ERC2: variants seen among roughly 807,000 people sequenced by gnomAD.
ERC2 encodes the protein ERC protein 2.
A neutral mutation model predicts 114.8 loss-of-function variants in ERC2; 42 were observed. That is an observed-to-expected ratio of 0.37 (90% CI 0.29 to 0.47). ERC2 has a LOEUF of 0.47. ERC2 is among the 20% of genes least tolerant of loss of function. ERC2 has a pLI of 0.99. For synonymous variants in ERC2, 454 were observed against 425.5 expected (o/e 1.07, Z -0.82); for missense variants, 939 against 1,150.7 (o/e 0.82, Z 2.66).
At chr3:56,133,212 C>CA (rs1411121879) in intron 6 of ERC2, among the ~76,000 whole-genome samples, 6 of 152,118 alleles carry the variant, frequency 3.9e-5, no homozygotes, top group African/African-American at 1.4e-4. Flanking sequence ...CTGAGGCGGG[C>CA]AAATTGCTTC....
intron 16 of ERC2, among the ~76,000 whole-genome samples, chr3:55,698,836 C>T (rs1217766267): frequency 1.3e-5 from 2 of 152,090 alleles, no homozygotes; most frequent in African/African-American, 2.4e-5. Flanking sequence ...TTTTGTCAAT[C>T]CATCTTTTCA....
intron 12 of ERC2, among the ~76,000 whole-genome samples, chr3:55,959,534 C>G (rs1576364023): frequency 6.6e-6 from 1 of 152,312 alleles, no homozygotes; most frequent in East Asian, 1.9e-4. Context: ...AGCCAGCTTT[C>G]TCATCCTCCT....
chr3:56,167,172 C>A (rs1407213044), intron 4 of ERC2, among the ~76,000 whole-genome samples: 1 of 152,108 alleles, frequency 6.6e-6, no homozygotes, highest in Non-Finnish European at 1.5e-5. Context: ...TATTTGATAT[C>A]CTTTGACTCC....
intron 1 of ERC2, among the ~76,000 whole-genome samples, chr3:56,454,684 T>A (rs371086887): frequency 1.1e-4 from 16 of 151,946 alleles, no homozygotes; most frequent in South Asian, 1.0e-3. Context: ...ACCCCATCTT[T>A]ACTAAAAAAT....
At chr3:56,312,827 A>G (rs2056657020) in intron 2 of ERC2, among the ~76,000 whole-genome samples, 1 of 151,040 alleles carries the variant, frequency 6.6e-6, no homozygotes, top group South Asian at 2.1e-4. Context: ...TGAATATGTG[A>G]ATATACTGGT....
At chr3:55,661,594 G>A (rs2148709893) in intron 17 of ERC2, among the ~76,000 whole-genome samples, 1 of 152,218 alleles carries the variant, frequency 6.6e-6, no homozygotes, top group East Asian at 1.9e-4. Context: ...CATAATCCAG[G>A]ATACTCTCTC....
intron 14 of ERC2, among the ~76,000 whole-genome samples, chr3:55,865,102 ACTG>A (rs200718140): frequency 7.9e-6 from 1 of 125,836 alleles, no homozygotes; most frequent in East Asian, 2.1e-4. Flanking sequence ...CTTGGGAACT[ACTG>A]AAAAAGCCCT....
intron 17 of ERC2, among the ~76,000 whole-genome samples, chr3:55,566,646 A>C (rs2056395014): frequency 6.6e-6 from 1 of 151,902 alleles, no homozygotes; most frequent in African/African-American, 2.4e-5. Context: ...GGCCAGGTTA[A>C]ATTCCTGACC....
intron 10 of ERC2, among the ~76,000 whole-genome samples, chr3:56,004,265 C>A: frequency 6.6e-6 from 1 of 152,012 alleles, no homozygotes; most frequent in East Asian, 1.9e-4. Flanking sequence ...AATTATCAGC[C>A]TCTTCTCAAC....
chr3:56,317,838 G>T (rs997485532), intron 2 of ERC2, among the ~76,000 whole-genome samples: 1 of 152,202 alleles, frequency 6.6e-6, no homozygotes, highest in African/African-American at 2.4e-5. Context: ...CAAATGGGGG[G>T]TGTTCATTTC....
intron 3 of ERC2, among the ~76,000 whole-genome samples, chr3:56,288,464 C>T (rs567182914): frequency 2.0e-5 from 3 of 152,214 alleles, no homozygotes; most frequent in East Asian, 1.9e-4. Context: ...TGCCTTGTGT[C>T]TAATGGCTTT....
intron 14 of ERC2, among the ~76,000 whole-genome samples, chr3:55,744,343 G>A (rs2066176315): frequency 6.6e-6 from 1 of 152,208 alleles, no homozygotes. Flanking sequence ...GGGGGAGGTT[G>A]CAGTGAGAGG....
At chr3:56,360,383 T>G (rs1018327749) in intron 2 of ERC2, among the ~76,000 whole-genome samples, 1 of 152,004 alleles carries the variant, frequency 6.6e-6, no homozygotes, top group Non-Finnish European at 1.5e-5. Context: ...CTCTGGCAGG[T>G]GTGGGGCCCT....
chr3:55,963,397 A>AT (rs779819689), intron 12 of ERC2, among the ~76,000 whole-genome samples: 3 of 152,246 alleles, frequency 2.0e-5, no homozygotes, highest in East Asian at 3.9e-4. Context: ...GTAAGTGAAG[A>AT]TAAAAACAGA....
chr3:55,750,845 G>A (rs754628847), intron 14 of ERC2, among the ~76,000 whole-genome samples: 1 of 152,210 alleles, frequency 6.6e-6, no homozygotes, highest in Non-Finnish European at 1.5e-5. Flanking sequence ...ACATGAGGAT[G>A]TAGGAACATT....
At chr3:55,925,686 A>G (rs147235527) in intron 13 of ERC2, among the ~76,000 whole-genome samples, 67 of 152,314 alleles carry the variant, frequency 4.4e-4, no homozygotes, top group Non-Finnish European at 7.6e-4. Context: ...AAAAAGTTCC[A>G]AGAAGAAAAG....
intron 12 of ERC2, chr3:55,955,126 T>C (rs1219374300): frequency 3.9e-6 from 2 of 515,216 alleles, no homozygotes; most frequent in Non-Finnish European, 7.7e-6. Flanking sequence ...TAGACACACA[T>C]GCATATGAAC....
At chr3:56,287,168 T>A (rs1418268795) in intron 3 of ERC2, among the ~76,000 whole-genome samples, 1 of 152,174 alleles carries the variant, frequency 6.6e-6, no homozygotes, top group Non-Finnish European at 1.5e-5. Context: ...AATGCACATG[T>A]CTTAGGAGTT....
intron 3 of ERC2, among the ~76,000 whole-genome samples, chr3:56,257,119 T>A (rs1270961536): frequency 6.6e-6 from 1 of 152,200 alleles, no homozygotes; most frequent in Admixed American, 6.5e-5. Flanking sequence ...GTAAAACCAC[T>A]GGAATGAAAC....
Sources: gnomAD v4.1 joint callset for allele counts (sites outside exome capture counted in the v4.1 genomes callset) on GRCh38, gnomAD v4.1.1 for gene constraint, MANE v1.5 for transcripts, NCBI Gene and HGNC (gene_info 2026-07-23, HGNC 2026-07-21) for gene names.